Variants in SUSD4 observed in about 807,000 individuals in gnomAD.
The protein encoded by SUSD4 is sushi domain-containing protein 4.
In SUSD4, 41 loss-of-function variants were observed where a neutral mutation model predicts 50.5. That is an observed-to-expected ratio of 0.81 (90% CI 0.63 to 1.05). The LOEUF (loss-of-function observed/expected upper bound fraction) is 1.05, where lower values mean the gene tolerates loss of function less well. Ranked by LOEUF, SUSD4 falls within the 50% of genes least tolerant of loss-of-function variation. The pLI, the probability that SUSD4 is intolerant of heterozygous loss-of-function variation, is 0.00. For missense variants in SUSD4, 580 were observed against 634.7 expected (o/e 0.91, Z 0.93); for synonymous variants, 257 against 257.3 (o/e 1.00, Z 0.01).
At chr1:223,256,257 C>G (rs1216297356) in intron 5 of SUSD4, among the ~76,000 whole-genome samples, 1 of 152,148 alleles carries the variant, frequency 6.6e-6, no homozygotes, top group Non-Finnish European at 1.5e-5. Context: ...CCGGGCTGGT[C>G]TCTCCCACGG....
chr1:223,316,389 C>G (rs182855133), intron 2 of SUSD4, among the ~76,000 whole-genome samples: 76 of 152,252 alleles, frequency 5.0e-4, no homozygotes, highest in Non-Finnish European at 1.2e-4. Flanking sequence ...AGGGTTATCG[C>G]TAGGAATGGC....
intron 5 of SUSD4, among the ~76,000 whole-genome samples, chr1:223,259,232 AC>A (rs1476581134): frequency 6.6e-6 from 1 of 152,196 alleles, no homozygotes; most frequent in Non-Finnish European, 1.5e-5. Flanking sequence ...AGCATATGAC[AC>A]TGATTTTGGT....
chr1:223,226,023 G>C (rs1659495558), intron 7 of SUSD4, among the ~76,000 whole-genome samples: 1 of 152,038 alleles, frequency 6.6e-6, no homozygotes. Context: ...CAAATGAAAG[G>C]GTTTCAAGAA....
intron 5 of SUSD4, among the ~76,000 whole-genome samples, chr1:223,237,113 T>TA (rs931046449): frequency 6.6e-6 from 1 of 152,092 alleles, no homozygotes; most frequent in African/African-American, 2.4e-5. Flanking sequence ...GCAGCTAATG[T>TA]AAATCGTATT....
At chr1:223,259,772 C>T (rs951385543) in intron 5 of SUSD4, among the ~76,000 whole-genome samples, 12 of 152,094 alleles carry the variant, frequency 7.9e-5, no homozygotes, top group Non-Finnish European at 1.0e-4. Flanking sequence ...GTGTCTGTGT[C>T]CATCCCTGCA....
intron 2 of SUSD4, among the ~76,000 whole-genome samples, chr1:223,347,575 T>C (rs1341614039): frequency 1.3e-5 from 2 of 151,984 alleles, no homozygotes; most frequent in Non-Finnish European, 2.9e-5. Flanking sequence ...GAAGCCACTA[T>C]TGGGGGATCA....
chr1:223,255,797 A>G (rs535886421), intron 5 of SUSD4, among the ~76,000 whole-genome samples: 1 of 152,326 alleles, frequency 6.6e-6, no homozygotes, highest in African/African-American at 2.4e-5. Flanking sequence ...TGCCGATTAA[A>G]TTTTATGCTG....
intron 3 of SUSD4, among the ~76,000 whole-genome samples, chr1:223,282,439 C>A (rs1353099098): frequency 6.6e-6 from 1 of 152,104 alleles, no homozygotes; most frequent in East Asian, 1.9e-4. Context: ...TTCTTATACA[C>A]CAATAACAGA....
At position 223,223,471 on chromosome 1, in the gene SUSD4, C is replaced by A. The variant is rs369486252; in HGVS notation, c.1222G>T (p.Asp408Tyr). 3 of 1,613,834 alleles carry A rather than the reference C, an allele frequency of 1.9e-6. No homozygotes were observed. The highest frequency in any genetic ancestry group is 1.6e-4 in the Middle Eastern group (1 of 6,062). Reference sequence around the variant, plus strand: ...CCGGGGTATGCTGGGGGGCTCTGGTCGTCCACGGGTAAGGGGCAGCCCTGG... The same window carrying A: ...CCGGGGTATGCTGGGGGGCTCTGGTAGTCCACGGGTAAGGGGCAGCCCTGG... ...VGQGCPLPVD[D>Y]QSPPAYPGSG... The change falls in exon 8 of 9, where the codon GAC becomes TAC. Residue 408 changes from aspartate (D) to tyrosine (Y), a missense_variant. Transcript: ENST00000366878.
At chr1:223,267,968 G>A (rs564766165) in intron 4 of SUSD4, among the ~76,000 whole-genome samples, 97 of 131,728 alleles carry the variant, frequency 7.4e-4, no homozygotes, top group Middle Eastern at 4.8e-3. Flanking sequence ...CAGCTTGTTC[G>A]GATGAAATTT....
chr1:223,256,845 C>CAGT (rs1661728234), intron 5 of SUSD4, among the ~76,000 whole-genome samples: 1 of 152,198 alleles, frequency 6.6e-6, no homozygotes, highest in South Asian at 2.1e-4. Flanking sequence ...AGAGTAGTGT[C>CAGT]AGTAGAAGGT....
chr1:223,347,006 T>C (rs1668069495), intron 2 of SUSD4, among the ~76,000 whole-genome samples: 1 of 152,204 alleles, frequency 6.6e-6, no homozygotes, highest in Non-Finnish European at 1.5e-5. Context: ...ATTCAACAAA[T>C]GTCTATTAAG....
At chr1:223,291,807 T>C (rs1281180955) in intron 3 of SUSD4, among the ~76,000 whole-genome samples, 2 of 152,190 alleles carry the variant, frequency 1.3e-5, no homozygotes, top group African/African-American at 4.8e-5. Flanking sequence ...TTTTAAAAAG[T>C]CTGAATGTAT....
chr1:223,336,715 A>C (rs558381234), intron 2 of SUSD4, among the ~76,000 whole-genome samples: 69 of 151,930 alleles, frequency 4.5e-4, no homozygotes, highest in Non-Finnish European at 8.8e-4. Flanking sequence ...TTTTTTTTTA[A>C]GGGACTTGAC....
intron 2 of SUSD4, among the ~76,000 whole-genome samples, chr1:223,304,521 G>T (rs1039394589): frequency 1.3e-4 from 19 of 151,824 alleles, no homozygotes; most frequent in African/African-American, 4.6e-4. Context: ...GGTGAGTATT[G>T]TTTTGTGTGG....
chr1:223,339,689 C>T (rs114791310), intron 2 of SUSD4, among the ~76,000 whole-genome samples: 1,681 of 152,310 alleles, frequency 0.011, 10 homozygotes, highest in Non-Finnish European at 0.017. Flanking sequence ...TTCTCAGCGT[C>T]TATGGGGGCA....
At chr1:223,264,215 A>T (rs550844861) in intron 5 of SUSD4, 1 of 985,322 alleles carries the variant, frequency 1.0e-6, no homozygotes, top group African/African-American at 1.7e-5. Context: ...GCAGCAAAAC[A>T]TTTACAGCTA....
At chr1:223,330,453 T>C (rs763680138) in intron 2 of SUSD4, among the ~76,000 whole-genome samples, 41 of 152,346 alleles carry the variant, frequency 2.7e-4, no homozygotes, top group Admixed American at 1.4e-3. Flanking sequence ...AAAACTCTCA[T>C]TGCCTATTTT....
intron 2 of SUSD4, among the ~76,000 whole-genome samples, chr1:223,330,003 T>A (rs1044767226): frequency 2.0e-5 from 3 of 152,052 alleles, no homozygotes; most frequent in African/African-American, 2.4e-5. Flanking sequence ...GACAAATGTG[T>A]GGATGGACAG....
Sources: gnomAD v4.1 joint callset for allele counts (sites outside exome capture counted in the v4.1 genomes callset) on GRCh38, gnomAD v4.1.1 for gene constraint, MANE v1.5 for transcripts, NCBI Gene and HGNC (gene_info 2026-07-23, HGNC 2026-07-21) for gene names.